Variants in FER1L6 observed in about 807,000 individuals in gnomAD.
FER1L6 encodes fer-1-like protein 6.
Under a neutral mutation model 219.2 loss-of-function variants are expected in FER1L6, and 177 were observed. The observed-to-expected ratio is 0.81, with a 90% CI of 0.71 to 0.91. FER1L6 has a LOEUF of 0.91. Ranked by LOEUF, FER1L6 falls within the 40% of genes least tolerant of loss-of-function variation. The probability of loss-of-function intolerance (pLI) is 0.00; values close to 1 mark genes in which losing one functional copy is unlikely to be tolerated. For missense variants in FER1L6, 2,153 were observed against 2,259.9 expected (o/e 0.95, Z 0.96); for synonymous variants, 768 against 824.3 (o/e 0.93, Z 1.17).
intron 25 of FER1L6, among the ~76,000 whole-genome samples, chr8:124,063,351 G>T (rs1820677387): frequency 6.6e-6 from 1 of 152,030 alleles, no homozygotes; most frequent in African/African-American, 2.4e-5. Context: ...TTTTAGTCTT[G>T]TTTAAGGAAC....
At chr8:123,895,684 GA>G (rs1406538306) in intron 1 of FER1L6, among the ~76,000 whole-genome samples, 5 of 152,284 alleles carry the variant, frequency 3.3e-5, no homozygotes, top group African/African-American at 1.2e-4. Context: ...CTAAAGTAGG[GA>G]GTCCAGTGGG....
chr8:124,071,367 A>G, intron 30 of FER1L6, 139 bp from the exon 31 acceptor site: 1 of 1,036,068 alleles, frequency 9.7e-7, no homozygotes, highest in East Asian at 2.4e-5. Context: ...GCCCAAGGAC[A>G]CCCAACTGGC....
chr8:124,049,524 T>C, intron 21 of FER1L6, 83 bp from the exon 22 acceptor site: 2 of 1,456,756 alleles, frequency 1.4e-6, no homozygotes, highest in Non-Finnish European at 1.9e-6. Context: ...GGAGGTTATT[T>C]TGTGGAGGTG....
chr8:124,070,723 G>A (rs183671132), intron 30 of FER1L6, 125 bp downstream of exon 30: 201 of 848,392 alleles, frequency 2.4e-4, no homozygotes, highest in Middle Eastern at 7.5e-4. Context: ...TTTTACTCAA[G>A]TCCCTCTCTA....
intron 40 of FER1L6, among the ~76,000 whole-genome samples, chr8:124,119,353 G>T (rs1454225993): frequency 6.6e-6 from 1 of 152,108 alleles, no homozygotes; most frequent in African/African-American, 2.4e-5. Flanking sequence ...CAGATGGAGG[G>T]TGGTGGGGCC....
chr8:123,999,260 G>T (rs1212030232), intron 12 of FER1L6, among the ~76,000 whole-genome samples: 2 of 152,202 alleles, frequency 1.3e-5, no homozygotes, highest in East Asian at 1.9e-4. Flanking sequence ...AAGGCCCAAA[G>T]GCTCTTTAGT....
At position 124,094,899 on chromosome 8, in the gene FER1L6, A is replaced by G; in HGVS notation, c.4556A>G (p.Glu1519Gly). 6.2e-7 allele frequency: 1 copy of G among 1,614,054 alleles called. No homozygotes were observed. The highest frequency in any genetic ancestry group is 1.3e-5 in the African/African-American group (1 of 75,044). The change falls in exon 35 of 41, where the codon GAG becomes GGG. Residue 1519 changes from glutamate (E) to glycine (G), a missense_variant. Glu to Gly is a moderately conservative substitution (Grantham distance 98, BLOSUM62 -2). Coordinates refer to ENST00000522917, the MANE Select transcript of FER1L6 (RefSeq NM_001039112.2). ...KTIFTEEDTD[E>G]TVESYEHLAL... ...AGTTTGTCTTTCTTTCCTGCAGATG[A>G]GACAGTGGAGTCTTATGAACACCTG...
intron 13 of FER1L6, among the ~76,000 whole-genome samples, chr8:124,009,952 C>G (rs986987418): frequency 6.6e-6 from 1 of 151,874 alleles, no homozygotes; most frequent in African/African-American, 2.4e-5. Flanking sequence ...AACTGCAGAC[C>G]CAGGGAGGAG....
chr8:123,934,607 A>G (rs1230040159), intron 1 of FER1L6, among the ~76,000 whole-genome samples: 1 of 151,896 alleles, frequency 6.6e-6, no homozygotes, highest in African/African-American at 2.4e-5. Context: ...ATGTGCTATC[A>G]ATTGGCTCAT....
At chr8:124,033,297 C>A (rs924647396) in intron 18 of FER1L6, among the ~76,000 whole-genome samples, 14 of 152,108 alleles carry the variant, frequency 9.2e-5, no homozygotes, top group Non-Finnish European at 2.1e-4. Context: ...CTACAAATGG[C>A]AGAGGGATTG....
chr8:123,955,608 G>T (rs1470583182), intron 1 of FER1L6, among the ~76,000 whole-genome samples: 1 of 152,220 alleles, frequency 6.6e-6, no homozygotes, highest in Non-Finnish European at 1.5e-5. Flanking sequence ...CTGGGCCTTG[G>T]CTCCTCATCT....
At chr8:123,898,427 C>T (rs1293229331) in intron 1 of FER1L6, among the ~76,000 whole-genome samples, 1 of 151,582 alleles carries the variant, frequency 6.6e-6, no homozygotes, top group Admixed American at 6.6e-5. Flanking sequence ...GTCTTTTATC[C>T]CTTGCCCCCT....
chr8:123,944,146 A>C (rs1239822351), intron 1 of FER1L6, among the ~76,000 whole-genome samples: 2 of 152,078 alleles, frequency 1.3e-5, no homozygotes, highest in African/African-American at 4.8e-5. Context: ...AAGTATATAG[A>C]GCTTTTAGCC....
At chr8:123,865,736 C>T (rs1285519463) in intron 1 of FER1L6, among the ~76,000 whole-genome samples, 7 of 151,324 alleles carry the variant, frequency 4.6e-5, no homozygotes, top group Non-Finnish European at 1.0e-4. Flanking sequence ...TGGGAGTGAC[C>T]CGATTTTCCA....
At chr8:123,931,720 A>G (rs1363557293) in intron 1 of FER1L6, among the ~76,000 whole-genome samples, 1 of 152,222 alleles carries the variant, frequency 6.6e-6, no homozygotes, top group African/African-American at 2.4e-5. Context: ...ACAATTCATT[A>G]TGTGCTATCA....
At chr8:124,086,645 A>G (rs1232568131) in intron 33 of FER1L6, among the ~76,000 whole-genome samples, 2 of 152,122 alleles carry the variant, frequency 1.3e-5, no homozygotes, top group Non-Finnish European at 2.9e-5. Context: ...TTAGTGTTAT[A>G]ACATTGTGTT....
At chr8:124,110,328 A>G (rs868098427) in intron 39 of FER1L6, among the ~76,000 whole-genome samples, 1 of 152,228 alleles carries the variant, frequency 6.6e-6, no homozygotes. Context: ...AGCAAGCTTA[A>G]GTAACTTGCC....
chr8:123,857,901 ACT>A (rs1271634453), intron 1 of FER1L6, among the ~76,000 whole-genome samples: 1 of 152,036 alleles, frequency 6.6e-6, no homozygotes, highest in Non-Finnish European at 1.5e-5. Flanking sequence ...GGACTGATAA[ACT>A]CTCCAAAAGC....
At chr8:123,899,505 T>C (rs1217849393) in intron 1 of FER1L6, among the ~76,000 whole-genome samples, 2 of 152,210 alleles carry the variant, frequency 1.3e-5, no homozygotes, top group Non-Finnish European at 2.9e-5. Context: ...ATGCAAAAGC[T>C]CTTTAATTTA....
Sources: gnomAD v4.1 joint callset for allele counts (sites outside exome capture counted in the v4.1 genomes callset) on GRCh38, gnomAD v4.1.1 for gene constraint, MANE v1.5 for transcripts, NCBI Gene and HGNC (gene_info 2026-07-23, HGNC 2026-07-21) for gene names.